HEMK2: variants seen among roughly 807,000 people sequenced by gnomAD.
HEMK2 encodes HemK methyltransferase 2, ETF1 glutamine and histone H4 lysine.
chr21:28,600,480 T>C, the HEMK2 span, among the ~76,000 whole-genome samples: 1 of 152,208 alleles, frequency 6.6e-6, no homozygotes, highest in Non-Finnish European at 1.5e-5. Flanking sequence ...AGGGGCACCC[T>C]GGGCCCGGCC....
chr21:28,833,883 G>A, the HEMK2 span, among the ~76,000 whole-genome samples: 1 of 152,178 alleles, frequency 6.6e-6, no homozygotes, highest in African/African-American at 2.4e-5. Context: ...ACTCAGCAGG[G>A]CTGAATTGTT....
the HEMK2 span, among the ~76,000 whole-genome samples, chr21:28,877,870 A>G: frequency 6.6e-6 from 1 of 152,224 alleles, no homozygotes; most frequent in Admixed American, 6.5e-5. Context: ...TGTCAAGGGC[A>G]TGAAGACTAG....
chr21:28,869,539 A>T, the HEMK2 span, among the ~76,000 whole-genome samples: 24 of 152,280 alleles, frequency 1.6e-4, no homozygotes, highest in East Asian at 4.4e-3. Flanking sequence ...ACTATATTGG[A>T]ACCACCTGAA....
chr21:28,683,876 T>C, the HEMK2 span, among the ~76,000 whole-genome samples: 1 of 152,316 alleles, frequency 6.6e-6, no homozygotes, highest in Non-Finnish European at 1.5e-5. Flanking sequence ...ACTTTCATAA[T>C]CACTAACTAT....
At chr21:28,686,015 G>C in the HEMK2 span, among the ~76,000 whole-genome samples, 1 of 152,246 alleles carries the variant, frequency 6.6e-6, no homozygotes, top group African/African-American at 2.4e-5. Flanking sequence ...TGTGGGTCTA[G>C]GGTCATTCTT....
the HEMK2 span, among the ~76,000 whole-genome samples, chr21:28,604,618 C>A: frequency 9.9e-5 from 15 of 152,274 alleles, no homozygotes; most frequent in Admixed American, 6.5e-4. Context: ...AACTGCTCAG[C>A]AATTCTCCTC....
chr21:28,794,870 C>T, the HEMK2 span, among the ~76,000 whole-genome samples: 1 of 152,144 alleles, frequency 6.6e-6, no homozygotes, highest in Non-Finnish European at 1.5e-5. Context: ...CTGTGGTATG[C>T]TCATGGGATG....
chr21:28,750,896 T>A, the HEMK2 span, among the ~76,000 whole-genome samples: 1 of 152,134 alleles, frequency 6.6e-6, no homozygotes, highest in Non-Finnish European at 1.5e-5. Flanking sequence ...CAGCCATCTC[T>A]TCTCCACTCG....
the HEMK2 span, among the ~76,000 whole-genome samples, chr21:28,728,394 T>C: frequency 1.3e-5 from 2 of 152,208 alleles, no homozygotes; most frequent in East Asian, 1.9e-4. Flanking sequence ...TCAGGAGTTA[T>C]TAGAAATCAT....
the HEMK2 span, among the ~76,000 whole-genome samples, chr21:28,864,845 A>G: frequency 1.6e-4 from 22 of 137,020 alleles, no homozygotes; most frequent in South Asian, 8.1e-4. Flanking sequence ...ATAGATAGAT[A>G]GATAGATAGA....
At chr21:28,877,214 AAAG>A in the HEMK2 span, among the ~76,000 whole-genome samples, 1 of 137,642 alleles carries the variant, frequency 7.3e-6, no homozygotes, top group African/African-American at 2.7e-5. Context: ...GAAGGGAGAG[AAAG>A]GAAGGGAAGG....
At chr21:28,707,085 T>C in the HEMK2 span, among the ~76,000 whole-genome samples, 1 of 152,176 alleles carries the variant, frequency 6.6e-6, no homozygotes, top group Non-Finnish European at 1.5e-5. Context: ...AAAGTTCATG[T>C]GGATTGTGTG....
chr21:28,652,380 C>A, the HEMK2 span, among the ~76,000 whole-genome samples: 5 of 152,230 alleles, frequency 3.3e-5, no homozygotes, highest in Admixed American at 3.3e-4. Context: ...GAAAGAAGGG[C>A]TTATAGTTTC....
At chr21:28,697,058 T>C in the HEMK2 span, among the ~76,000 whole-genome samples, 4 of 152,226 alleles carry the variant, frequency 2.6e-5, no homozygotes, top group Non-Finnish European at 4.4e-5. Flanking sequence ...AGAGCTGCTA[T>C]GAAAGTCTCT....
the HEMK2 span, among the ~76,000 whole-genome samples, chr21:28,788,263 T>C: frequency 5.0e-3 from 736 of 145,926 alleles, 8 homozygotes; most frequent in African/African-American, 0.019. Context: ...TGTATACATA[T>C]ATATTCCATC....
the HEMK2 span, among the ~76,000 whole-genome samples, chr21:28,730,089 C>A: frequency 6.6e-6 from 1 of 152,058 alleles, no homozygotes; most frequent in Non-Finnish European, 1.5e-5. Context: ...CTTAAAAGAA[C>A]AAACATTGCC....
At chr21:28,633,326 A>C in the HEMK2 span, among the ~76,000 whole-genome samples, 1 of 152,176 alleles carries the variant, frequency 6.6e-6, no homozygotes, top group African/African-American at 2.4e-5. Context: ...ATGATCCACA[A>C]ATACCTCACC....
chr21:28,743,533 G>A, the HEMK2 span, among the ~76,000 whole-genome samples: 85 of 151,798 alleles, frequency 5.6e-4, no homozygotes, highest in Middle Eastern at 3.4e-3. Context: ...TAAGTAACAA[G>A]TCATTGGGAT....
chr21:28,867,581 G>T, the HEMK2 span, among the ~76,000 whole-genome samples: 4 of 152,256 alleles, frequency 2.6e-5, no homozygotes, highest in East Asian at 7.7e-4. Flanking sequence ...AAAAAAACAA[G>T]GCTTTTGGGT....
Sources: allele counts gnomAD v4.1 joint callset (sites outside exome capture counted in the v4.1 genomes callset), GRCh38; gene constraint gnomAD v4.1.1; transcripts MANE v1.5; gene names NCBI Gene and HGNC (gene_info 2026-07-23, HGNC 2026-07-21).